MSRA: variants seen among roughly 807,000 people sequenced by gnomAD.
The protein encoded by MSRA is methionine sulfoxide reductase A, also known as mitochondrial peptide methionine sulfoxide reductase.
A neutral mutation model predicts 31.3 loss-of-function variants in MSRA; 54 were observed. The observed-to-expected ratio is 1.73, with a 90% CI of 1.39 to 2.17. MSRA has a LOEUF of 2.17. MSRA is among the 30% of genes most tolerant of loss of function. The pLI is 0.00. For missense variants in MSRA, 507 were observed against 300.9 expected (o/e 1.69, Z -5.07); for synonymous variants, 169 against 116.5 (o/e 1.45, Z -2.90).
intron 2 of MSRA, among the ~76,000 whole-genome samples, 151 bp from the exon 3 acceptor site, chr8:10,244,950 CCTT>C (rs1797537604): frequency 2.0e-5 from 3 of 151,986 alleles, no homozygotes; most frequent in South Asian, 2.1e-4. Flanking sequence ...TAAGAACTCT[CCTT>C]CTTTAAAAGA....
intron 5 of MSRA, among the ~76,000 whole-genome samples, chr8:10,417,371 C>T (rs1479520748): frequency 2.0e-5 from 3 of 151,098 alleles, no homozygotes; most frequent in East Asian, 2.0e-4. Context: ...CCTGTTGCTC[C>T]GGGGTCCTCT....
Position 10,272,813 on chromosome 8 carries a change from C to G in MSRA, c.331+27590C>G, listed in dbSNP as rs1211499117. 3.3e-5 allele frequency among the ~76,000 whole-genome samples: 5 copies of G among 152,272 alleles called. No individual in the cohort carries two copies. The East Asian group carries it at 9.6e-4, about 29-fold the overall frequency. ...TTTTGTCACATTCATCTTTCAATCA[C>G]TAGACACTAGCCTAGGACCTGGCAT... On this transcript the variant is annotated intron_variant, in intron 3 of 5. Transcript: ENST00000317173.
intron 3 of MSRA, among the ~76,000 whole-genome samples, chr8:10,278,695 A>G (rs1274371924): frequency 6.6e-6 from 1 of 152,246 alleles, no homozygotes; most frequent in Non-Finnish European, 1.5e-5. Context: ...GATGAGAGAT[A>G]GAGCTCTACC....
At chr8:10,067,839 T>C (rs912172311) in intron 1 of MSRA, among the ~76,000 whole-genome samples, 3 of 152,022 alleles carry the variant, frequency 2.0e-5, no homozygotes, top group African/African-American at 7.2e-5. Flanking sequence ...TTCAAATCTT[T>C]TGCCCATATT....
At chr8:10,297,390 TA>T in intron 3 of MSRA, among the ~76,000 whole-genome samples, 1 of 152,354 alleles carries the variant, frequency 6.6e-6, no homozygotes, top group East Asian at 1.9e-4. Flanking sequence ...TGTGAATTGT[TA>T]ACAAGCATGT....
At chr8:10,357,026 CT>C (rs1804549790) in intron 5 of MSRA, among the ~76,000 whole-genome samples, 1 of 151,990 alleles carries the variant, frequency 6.6e-6, no homozygotes, top group Non-Finnish European at 1.5e-5. Flanking sequence ...AGCAGTTCCT[CT>C]GTCTTTTGTA....
intron 3 of MSRA, among the ~76,000 whole-genome samples, chr8:10,297,766 C>A (rs937726773): frequency 1.3e-5 from 2 of 152,210 alleles, no homozygotes; most frequent in Non-Finnish European, 2.9e-5. Context: ...AACCAAGCTT[C>A]TTTAAACCTC....
intron 1 of MSRA, among the ~76,000 whole-genome samples, chr8:10,072,210 C>A (rs1026146592): frequency 1.3e-5 from 2 of 152,106 alleles, no homozygotes; most frequent in Non-Finnish European, 2.9e-5. Context: ...GAGGGCTCTT[C>A]ATCTGTTGGT....
At chr8:10,412,475 A>G (rs992116874) in intron 5 of MSRA, among the ~76,000 whole-genome samples, 11 of 152,240 alleles carry the variant, frequency 7.2e-5, no homozygotes, top group Admixed American at 4.6e-4. Flanking sequence ...ACTATCGAAC[A>G]TGATGTTCCA....
chr8:10,323,013 C>A (rs1431128274), intron 5 of MSRA, among the ~76,000 whole-genome samples: 1 of 150,044 alleles, frequency 6.7e-6, no homozygotes, highest in Non-Finnish European at 1.5e-5. Context: ...ATGCTTGAAC[C>A]CAGGAAGCAA....
At chr8:10,245,491 T>G (rs1297061499) in intron 3 of MSRA, among the ~76,000 whole-genome samples, 1 of 152,218 alleles carries the variant, frequency 6.6e-6, no homozygotes, top group Non-Finnish European at 1.5e-5. Flanking sequence ...TAGCTTGTAA[T>G]TCTGATGATC....
At chr8:10,055,843 T>C (rs1397817759) in intron 1 of MSRA, among the ~76,000 whole-genome samples, 1 of 152,170 alleles carries the variant, frequency 6.6e-6, no homozygotes, top group Non-Finnish European at 1.5e-5. Flanking sequence ...TTAGAGGCAG[T>C]TTAGAAATCG....
chr8:10,383,433 C>T (rs1585639674), intron 5 of MSRA, among the ~76,000 whole-genome samples: 1 of 152,178 alleles, frequency 6.6e-6, no homozygotes, highest in South Asian at 2.1e-4. Flanking sequence ...TATTCTAACT[C>T]AAGCAGCTTC....
chr8:10,209,232 C>G (rs1034823826), intron 2 of MSRA, among the ~76,000 whole-genome samples: 1 of 152,192 alleles, frequency 6.6e-6, no homozygotes, highest in African/African-American at 2.4e-5. Context: ...TATCATGGGA[C>G]AGCAAATGTC....
intron 2 of MSRA, among the ~76,000 whole-genome samples, chr8:10,236,321 T>G (rs1284115432): frequency 6.6e-6 from 1 of 152,192 alleles, no homozygotes; most frequent in Non-Finnish European, 1.5e-5. Flanking sequence ...AAAACTCATT[T>G]GTACAGAATA....
At chr8:10,179,348 C>T (rs1363903643) in intron 1 of MSRA, among the ~76,000 whole-genome samples, 1 of 152,142 alleles carries the variant, frequency 6.6e-6, no homozygotes, top group Non-Finnish European at 1.5e-5. Flanking sequence ...GGACTTTGGG[C>T]TGTAAGGGTT....
At chr8:10,397,968 G>T (rs1807204597) in intron 5 of MSRA, among the ~76,000 whole-genome samples, 2 of 152,102 alleles carry the variant, frequency 1.3e-5, no homozygotes, top group Admixed American at 1.3e-4. Flanking sequence ...CTTGAACTTG[G>T]GCTATAACAT....
At chr8:10,274,810 T>TTCATCCACCCATCCAC (rs1585336045) in intron 3 of MSRA, among the ~76,000 whole-genome samples, 1 of 151,922 alleles carries the variant, frequency 6.6e-6, no homozygotes, top group East Asian at 1.9e-4. Context: ...CATTCATCCA[T>TTCATCCACCCATCCAC]CCATCTACCC....
chr8:10,428,395 T>G lies in MSRA; in HGVS notation c.*83T>G. 1 of 1,463,536 alleles carries G rather than the reference T, an allele frequency of 6.8e-7. No individual in the cohort carries two copies. Among genetic ancestry groups the G allele is most frequent in the Non-Finnish European group, 9.4e-7 (1 of 1,065,106 alleles). 90.7% of individuals were successfully genotyped at this position (1,463,536 alleles called of 1,614,324 possible). On this transcript the variant is annotated 3_prime_UTR_variant, in exon 6 of 6. Coordinates refer to ENST00000317173, the MANE Select transcript of MSRA (RefSeq NM_012331.5). ...GCAATGCTTGTGTGATTCACAATCG[T>G]GGCATTTAAAGTGCACAAAGTACAA...
Sources: gnomAD v4.1 joint callset for allele counts (sites outside exome capture counted in the v4.1 genomes callset) on GRCh38, gnomAD v4.1.1 for gene constraint, MANE v1.5 for transcripts, NCBI Gene and HGNC (gene_info 2026-07-23, HGNC 2026-07-21) for gene names.